The following STK32A variants were observed in gnomAD, a reference collection of about 807,000 sequenced individuals.
STK32A encodes serine/threonine kinase 32A.
In STK32A, 41 loss-of-function variants were observed where a neutral mutation model predicts 53.2. The observed-to-expected ratio is 0.77, with a 90% CI of 0.60 to 1.00. STK32A has a LOEUF of 1.00. STK32A is among the 50% of genes least tolerant of loss of function. The pLI is 0.00. For synonymous variants in STK32A, 166 were observed against 162.8 expected, an observed-to-expected ratio of 1.02 and a Z score of -0.15; for missense variants, 458 against 485.8, an observed-to-expected ratio of 0.94 and a Z score of 0.54.
intron 9 of STK32A, among the ~76,000 whole-genome samples, chr5:147,372,133 T>A (rs1757027347): frequency 6.6e-6 from 1 of 152,006 alleles, no homozygotes. Context: ...ATAAATGAGG[T>A]CCACAGCTTT....
chr5:147,338,467 A>G (rs1351503508), intron 5 of STK32A, among the ~76,000 whole-genome samples: 1 of 152,152 alleles, frequency 6.6e-6, no homozygotes, highest in East Asian at 1.9e-4. Context: ...AATAAAGCCA[A>G]TTGGTATGAG....
Position 147,384,332 on chromosome 5 carries a change from A to G in STK32A, c.*349A>G, listed in dbSNP as rs776428241. On this transcript the variant is annotated 3_prime_UTR_variant, in exon 13 of 13. Coordinates refer to ENST00000397936, the MANE Select transcript of STK32A (RefSeq NM_001112724.2). ...CCTTTATTTTTATTTTAAAATTAAT[A>G]TATGAATATAGATTTATTTTTCCAC... 6.9e-7 allele frequency: 1 copy of G among 1,444,182 alleles called. No individual in the cohort carries two copies. The highest frequency in any genetic ancestry group is 1.4e-5 in the African/African-American group (1 of 70,074). The allele number at this position is 1,444,182 out of a possible 1,614,324, so 89.5% of individuals were successfully genotyped here.
chr5:147,318,833 A>G (rs185257811), intron 4 of STK32A, among the ~76,000 whole-genome samples: 36 of 152,000 alleles, frequency 2.4e-4, no homozygotes, highest in African/African-American at 8.4e-4. Flanking sequence ...ATATTTTTGA[A>G]TTGTTCTCAA....
chr5:147,338,007 T>C (rs1581111550), intron 5 of STK32A, among the ~76,000 whole-genome samples: 1 of 152,090 alleles, frequency 6.6e-6, no homozygotes, highest in East Asian at 1.9e-4. Flanking sequence ...GCCAGGGTGT[T>C]AGATGGAGCA....
At chr5:147,355,790 G>GTATATATATATATATATA (rs1276723577) in intron 7 of STK32A, among the ~76,000 whole-genome samples, 1 of 137,862 alleles carries the variant, frequency 7.3e-6, no homozygotes, top group African/African-American at 2.6e-5. Context: ...GAGTGTGTGT[G>GTATATATATATATATATA]TGTATATATA....
chr5:147,400,853 C>T, the STK32A span: 1 of 1,611,236 alleles, frequency 6.2e-7, no homozygotes, highest in Non-Finnish European at 8.5e-7. Flanking sequence ...GAGAAAAGCT[C>T]CACATGAACA....
At chr5:147,332,119 G>A (rs1281882213) in intron 5 of STK32A, among the ~76,000 whole-genome samples, 1 of 152,176 alleles carries the variant, frequency 6.6e-6, no homozygotes, top group Admixed American at 6.5e-5. Flanking sequence ...GCTACTCAGA[G>A]CACCTTCTGT....
At chr5:147,375,882 T>C (rs1318516772) in intron 11 of STK32A, 2 of 152,220 alleles carry the variant, frequency 1.3e-5, no homozygotes, top group African/African-American at 2.4e-5. Context: ...CTATGAATTA[T>C]AATGATGATG....
chr5:147,264,275 G>C (rs1754711855), intron 2 of STK32A, among the ~76,000 whole-genome samples: 1 of 152,160 alleles, frequency 6.6e-6, no homozygotes, highest in South Asian at 2.1e-4. Flanking sequence ...AAAACCCCAG[G>C]GTGATGGTGA....
At chr5:147,305,042 C>A (rs1352468322) in intron 4 of STK32A, among the ~76,000 whole-genome samples, 1 of 151,828 alleles carries the variant, frequency 6.6e-6, no homozygotes, top group African/African-American at 2.4e-5. Context: ...AGTGATTACT[C>A]CACTGCACTC....
intron 4 of STK32A, among the ~76,000 whole-genome samples, chr5:147,303,133 C>T (rs570081735): frequency 2.6e-5 from 4 of 152,244 alleles, no homozygotes; most frequent in East Asian, 3.9e-4. Flanking sequence ...TAAAAGAAGA[C>T]GCTTCCCAAT....
chr5:147,256,280 T>C (rs1166392282), intron 2 of STK32A, among the ~76,000 whole-genome samples: 1 of 152,192 alleles, frequency 6.6e-6, no homozygotes, highest in Non-Finnish European at 1.5e-5. Flanking sequence ...GGGGCTGACC[T>C]GCAGGGTACC....
chr5:147,290,554 T>C lies in STK32A; in HGVS notation c.260+11156T>C, dbSNP rs1270018521. Among the ~76,000 whole-genome samples, 7 of 152,174 alleles carry C rather than the reference T, an allele frequency of 4.6e-5. No individual in the cohort carries two copies. In the South Asian group the frequency reaches 1.5e-3, roughly 32 times the overall value. On this transcript the variant is annotated intron_variant, in intron 4 of 12. Coordinates refer to ENST00000397936, the MANE Select transcript of STK32A (RefSeq NM_001112724.2). ...TGATTCCCCAGGTGGCTTTTGTTAATTGAGATTAAACCTGTAGCTGCACAC... is the reference window on the plus strand; with the variant it reads ...TGATTCCCCAGGTGGCTTTTGTTAACTGAGATTAAACCTGTAGCTGCACAC...
At chr5:147,301,014 C>A (rs4441917) in intron 4 of STK32A, among the ~76,000 whole-genome samples, 110,389 of 152,068 alleles carry the variant, frequency 0.73, 40,257 homozygotes, top group South Asian at 0.87. Flanking sequence ...AAGGCAGATT[C>A]ATAGGAGAAA....
At chr5:147,356,225 G>A (rs1290304214) in intron 7 of STK32A, among the ~76,000 whole-genome samples, 1 of 152,114 alleles carries the variant, frequency 6.6e-6, no homozygotes, top group African/African-American at 2.4e-5. Flanking sequence ...AGACATGGAC[G>A]ATGATGTGAC....
At chr5:147,290,107 C>T (rs1172165345) in intron 4 of STK32A, among the ~76,000 whole-genome samples, 3 of 152,014 alleles carry the variant, frequency 2.0e-5, no homozygotes, top group Non-Finnish European at 2.9e-5. Flanking sequence ...GAAACCCATG[C>T]TATGGGGATA....
At chr5:147,289,637 T>C (rs1288829537) in intron 4 of STK32A, among the ~76,000 whole-genome samples, 1 of 151,946 alleles carries the variant, frequency 6.6e-6, no homozygotes, top group Non-Finnish European at 1.5e-5. Context: ...ATTATATATA[T>C]GAATATCACA....
chr5:147,331,239 T>C (rs1262387251), intron 5 of STK32A, among the ~76,000 whole-genome samples: 1 of 152,220 alleles, frequency 6.6e-6, no homozygotes, highest in East Asian at 1.9e-4. Context: ...CCTATGTCAC[T>C]TTTTTAATGA....
chr5:147,294,885 G>A (rs1752795138), intron 4 of STK32A, among the ~76,000 whole-genome samples: 1 of 151,968 alleles, frequency 6.6e-6, no homozygotes, highest in South Asian at 2.1e-4. Flanking sequence ...GGGTTTCACT[G>A]TGTTTGCCAG....
Sources: gnomAD v4.1 joint callset for allele counts (sites outside exome capture counted in the v4.1 genomes callset) on GRCh38, gnomAD v4.1.1 for gene constraint, MANE v1.5 for transcripts, NCBI Gene and HGNC (gene_info 2026-07-23, HGNC 2026-07-21) for gene names.